Variants in RP1 observed in about 807,000 individuals in gnomAD.
The protein encoded by RP1 is RP1 axonemal microtubule associated.
In RP1, 16 loss-of-function variants were observed where a neutral mutation model predicts 14.8. That is an observed-to-expected ratio of 1.08 (90% CI 0.73 to 1.65). The LOEUF (loss-of-function observed/expected upper bound fraction) is 1.65, where lower values mean the gene tolerates loss of function less well. RP1 is among the 40% of genes most tolerant of loss of function. The pLI is 0.00. For synonymous variants in RP1, 876 were observed against 883.6 expected (o/e 0.99, Z 0.15); for missense variants, 2,631 against 2,535.0 (o/e 1.04, Z -0.81).
intron 19 of RP1, among the ~76,000 whole-genome samples, chr8:54,740,816 G>T (rs1435847706): frequency 6.6e-6 from 1 of 152,094 alleles, no homozygotes; most frequent in Non-Finnish European, 1.5e-5. Flanking sequence ...GGCCGAAGTG[G>T]AATGGATCAC....
chr8:54,746,459 C>T (rs1009173485), intron 19 of RP1, among the ~76,000 whole-genome samples: 1 of 152,038 alleles, frequency 6.6e-6, no homozygotes, highest in Non-Finnish European at 1.5e-5. Flanking sequence ...TGCTGTCTAG[C>T]GTCCAAAACA....
intron 15 of RP1, among the ~76,000 whole-genome samples, chr8:54,712,575 C>CCACTCAG (rs1393441072): frequency 2.0e-4 from 31 of 152,242 alleles, no homozygotes; most frequent in Middle Eastern, 6.8e-3. Flanking sequence ...ATGGTGTCTG[C>CCACTCAG]CACTCAGAAA....
intron 15 of RP1, among the ~76,000 whole-genome samples, chr8:54,716,899 C>T (rs1432329065): frequency 6.6e-6 from 1 of 152,172 alleles, no homozygotes; most frequent in East Asian, 1.9e-4. Context: ...AGCCCCTCAG[C>T]TGTTGAGATT....
rs539212983 is a variant in RP1, at chr8:54,696,118, G to T, written c.1718-3349G>T. Among the ~76,000 whole-genome samples, 10 of 152,144 alleles carry T rather than the reference G, an allele frequency of 6.6e-5. No homozygotes were observed. The South Asian group carries it at 2.1e-3, about 32-fold the overall frequency. ...TTAACTAAAAGTGTTTGCCTGTGTG[G>T]TTAACTGGAATAGAATTATAAAGGT... On this transcript the variant is annotated intron_variant, in intron 12 of 22. Coordinates refer to the RP1 transcript ENST00000636932.
intron 24 of RP1, among the ~76,000 whole-genome samples, chr8:54,787,721 A>G (rs1810356574): frequency 3.3e-5 from 5 of 152,190 alleles, no homozygotes; most frequent in Admixed American, 3.3e-4. Flanking sequence ...TGTAGATGAA[A>G]AGGTTTAATA....
At chr8:54,784,082 T>A (rs940300016) in intron 24 of RP1, among the ~76,000 whole-genome samples, 16 of 152,140 alleles carry the variant, frequency 1.1e-4, no homozygotes, top group African/African-American at 3.9e-4. Context: ...CACTAACACA[T>A]ATGATGGAGC....
At chr8:54,785,716 C>A (rs576312483) in intron 24 of RP1, among the ~76,000 whole-genome samples, 1 of 152,148 alleles carries the variant, frequency 6.6e-6, no homozygotes, top group South Asian at 2.1e-4. Flanking sequence ...TTTTTTGATT[C>A]TAACCATCCT....
At chr8:54,606,633 AGT>A (rs1441517518) in intron 1 of RP1, among the ~76,000 whole-genome samples, 2 of 152,118 alleles carry the variant, frequency 1.3e-5, no homozygotes, top group Non-Finnish European at 2.9e-5. Flanking sequence ...TATCCTGCAG[AGT>A]GTTTTCCAAC....
At position 54,600,582 on chromosome 8, in the gene RP1, C is replaced by T. The variant is rs370561026; in HGVS notation, c.-12-20373C>T. Reference sequence around the variant, plus strand: ...AGGTGGAGATGGAAGTCTTGGTTCCCCACTTGGCCTTCACTGATATCATCC... The same window carrying T: ...AGGTGGAGATGGAAGTCTTGGTTCCTCACTTGGCCTTCACTGATATCATCC... On this transcript the variant is annotated intron_variant, in intron 1 of 22. Coordinates refer to the RP1 transcript ENST00000636932. 8.3e-4 allele frequency among the ~76,000 whole-genome samples: 126 copies of T among 152,214 alleles called. 4 individuals are homozygous for T. Among genetic ancestry groups the T allele is most frequent in the Middle Eastern group, 3.4e-3 (1 of 292 alleles).
At chr8:54,593,019 G>C (rs1247157651) in intron 1 of RP1, among the ~76,000 whole-genome samples, 1 of 152,182 alleles carries the variant, frequency 6.6e-6, no homozygotes, top group Non-Finnish European at 1.5e-5. Context: ...GCCTCTATGA[G>C]GAAGTCATGC....
intron 24 of RP1, among the ~76,000 whole-genome samples, chr8:54,814,471 A>T (rs1438833863): frequency 6.6e-6 from 1 of 152,230 alleles, no homozygotes; most frequent in Non-Finnish European, 1.5e-5. Context: ...GAGAACAAGA[A>T]GCCATAATGG....
intron 22 of RP1, among the ~76,000 whole-genome samples, chr8:54,768,821 A>G (rs906181563): frequency 2.0e-4 from 30 of 152,160 alleles, no homozygotes; most frequent in African/African-American, 6.8e-4. Context: ...GGGAAGCTCC[A>G]GGAGGATCAG....
intron 15 of RP1, chr8:54,719,986 C>A: frequency 1.5e-6 from 1 of 673,228 alleles, no homozygotes; most frequent in Non-Finnish European, 2.4e-6. Flanking sequence ...ATGAAGCACA[C>A]AGGGCAATTT....
At chr8:54,692,893 A>G (rs1807749836) in intron 12 of RP1, among the ~76,000 whole-genome samples, 1 of 152,118 alleles carries the variant, frequency 6.6e-6, no homozygotes, top group South Asian at 2.1e-4. Flanking sequence ...GTGCTTGCCC[A>G]TGCCTATGTC....
At chr8:54,776,690 G>C (rs1025384940) in intron 23 of RP1, among the ~76,000 whole-genome samples, 2 of 152,176 alleles carry the variant, frequency 1.3e-5, no homozygotes, top group Admixed American at 6.5e-5. Flanking sequence ...GGATACACTG[G>C]AAGGGAATTT....
At position 54,699,504 on chromosome 8, in the gene RP1, C is replaced by A; in HGVS notation, c.1755C>A (p.Cys585Ter). ...TTATTTTCAACAAAAGAAATATATGCATTTTCCAAAGTCATGAGATGAGGC... is the reference window on the plus strand; with the variant it reads ...TTATTTTCAACAAAAGAAATATATGAATTTTCCAAAGTCATGAGATGAGGC... The change falls in exon 13 of 23, where the codon TGC (cysteine) becomes TGA (stop). Residue 585 changes from cysteine (C) to a stop codon, truncating the protein, a stop_gained. Coordinates refer to the RP1 transcript ENST00000636932. LOFTEE classifies it high-confidence loss of function. 1 of 1,402,008 alleles carries A rather than the reference C, an allele frequency of 7.1e-7. No individual in the cohort carries two copies. The highest frequency in any genetic ancestry group is 1.7e-5 in the South Asian group (1 of 58,920). 86.8% of individuals were successfully genotyped at this position (1,402,008 alleles called of 1,614,324 possible). A position where few individuals can be genotyped will look rare whatever the true frequency, so the allele number is the denominator to read the frequency against.
chr8:54,566,728 C>T (rs1261284767), intron 1 of RP1, among the ~76,000 whole-genome samples: 1 of 152,132 alleles, frequency 6.6e-6, no homozygotes, highest in East Asian at 1.9e-4. Context: ...AGCTCAGCGC[C>T]ACTGCTACCA....
chr8:54,726,911 A>G (rs546896461), intron 17 of RP1, among the ~76,000 whole-genome samples: 7 of 152,024 alleles, frequency 4.6e-5, no homozygotes, highest in Non-Finnish European at 8.8e-5. Context: ...CCTAGTTTCT[A>G]TATTGGTCCA....
intron 5 of RP1, among the ~76,000 whole-genome samples, chr8:54,654,376 G>T (rs1321677583): frequency 6.6e-6 from 1 of 151,928 alleles, no homozygotes; most frequent in Non-Finnish European, 1.5e-5. Context: ...TTCAAGTTTA[G>T]TTAGGGAAGA....
Sources: allele counts gnomAD v4.1 joint callset (sites outside exome capture counted in the v4.1 genomes callset), GRCh38; gene constraint gnomAD v4.1.1; transcripts MANE v1.5; gene names NCBI Gene and HGNC (gene_info 2026-07-23, HGNC 2026-07-21).